ZNF732: variants seen among roughly 807,000 people sequenced by gnomAD.
ZNF732 encodes the protein zinc finger protein LOC654254.
In ZNF732, 12 loss-of-function variants were observed where a neutral mutation model predicts 11.5. The observed-to-expected ratio is 1.05, with a 90% confidence interval of 0.67 to 1.70. The LOEUF is 1.70. Ranked by LOEUF, ZNF732 falls within the 40% of genes most tolerant of loss-of-function variation. The probability of loss-of-function intolerance (pLI) is 0.00; values close to 1 mark genes in which losing one functional copy is unlikely to be tolerated. For missense variants in ZNF732, 702 were observed against 676.9 expected, an observed-to-expected ratio of 1.04 and a Z score of -0.41; for synonymous variants, 231 against 236.5, an observed-to-expected ratio of 0.98 and a Z score of 0.21.
intron 3 of ZNF732, among the ~76,000 whole-genome samples, chr4:276,738 C>G (rs1051971442): frequency 6.6e-6 from 1 of 151,652 alleles, no homozygotes. Context: ...TCAAGGTGAT[C>G]TATAGATTCA....
Position 272,448 on chromosome 4 carries a change from G to A in ZNF732, c.409C>T (p.Gln137Ter), listed in dbSNP as rs1553837949. ...ACATTACACTGAAATATTTTGCTCT[G>A]GATAGTTGACAAGCATTGATTAAAT... Reference protein sequence around the residue: ...NEFNQCLSTIQSKIFQCNVHV... With the variant: ...NEFNQCLSTI Residue 137 changes from glutamine (Q) to a stop codon, truncating the protein, a stop_gained, in exon 4 of 4, where the codon CAG (glutamine) becomes TAG (stop). Coordinates refer to ENST00000419098, the MANE Select transcript of ZNF732 (RefSeq NM_001137608.3). LOFTEE classifies it low-confidence loss of function (END_TRUNC). 1.2e-6 allele frequency: 2 copies of A among 1,600,220 alleles called. No homozygotes were observed. Among genetic ancestry groups the A allele is most frequent in the Admixed American group, 3.5e-5 (2 of 57,572 alleles).
chr4:270,900 CT>C lies in ZNF732; in HGVS notation c.*198del, dbSNP rs1237524442. On this transcript the variant is annotated 3_prime_UTR_variant, in exon 4 of 4. Transcript: ENST00000419098. The stretch of plus-strand genomic sequence containing the variant: ...TCTTATGTTGATTCAGGTATGCGGA[CT>C]GTTTGAAGGCTTTCCCACATTCTTT... 2.8e-6 allele frequency: 2 copies of C among 719,422 alleles called. No individual in the cohort carries two copies. The highest frequency in any genetic ancestry group is 5.0e-6 in the Non-Finnish European group (2 of 398,316). The allele number at this position is 719,422 out of a possible 1,614,324, so 44.6% of individuals were successfully genotyped here.
chr4:287,649 A>AT (rs199717918), intron 3 of ZNF732, among the ~76,000 whole-genome samples: 2,582 of 150,976 alleles, frequency 0.017, 31 homozygotes, highest in Middle Eastern at 0.062. Flanking sequence ...ATATATATAT[A>AT]TATTTTTTTT....
Position 305,431 on chromosome 4 carries a change from A to G in ZNF732, c.-121T>C. 7.0e-7 allele frequency: 1 copy of G among 1,437,788 alleles called. No homozygotes were observed. Among genetic ancestry groups the G allele is most frequent in the Non-Finnish European group, 9.5e-7 (1 of 1,047,874 alleles). 89.1% of individuals were successfully genotyped at this position (1,437,788 alleles called of 1,614,324 possible). On this transcript the variant is annotated 5_prime_UTR_variant, in exon 1 of 4. Coordinates refer to ENST00000419098, the MANE Select transcript of ZNF732 (RefSeq NM_001137608.3). ...CGACGCCTCCCTGAGGGGTGAAAGC[A>G]CGGCCGTGGAGACCCTAACCGAGCT...
intron 1 of ZNF732, among the ~76,000 whole-genome samples, chr4:304,052 T>C (rs1230182636): frequency 6.6e-6 from 1 of 152,102 alleles, no homozygotes; most frequent in African/African-American, 2.4e-5. Flanking sequence ...AGGTTCCTGC[T>C]ATAGATCCAG....
chr4:302,606 A>ATTT (rs1720140392), intron 1 of ZNF732, among the ~76,000 whole-genome samples: 1 of 152,220 alleles, frequency 6.6e-6, no homozygotes, highest in African/African-American at 2.4e-5. Context: ...GCCTACAGAA[A>ATTT]CTGTGGGATA....
intron 3 of ZNF732, among the ~76,000 whole-genome samples, chr4:274,762 T>C (rs1378678149): frequency 1.3e-5 from 2 of 151,644 alleles, no homozygotes; most frequent in Admixed American, 1.3e-4. Flanking sequence ...TCCTATTTCA[T>C]AAAATATACT....
Position 286,266 on chromosome 4 carries a change from A to G in ZNF732, c.226+9172T>C, listed in dbSNP as rs528898697. Among the ~76,000 whole-genome samples the G allele has an allele frequency of 3.3e-5, 5 of 152,376 alleles. No homozygotes were observed. In the Middle Eastern group the frequency reaches 0.014, roughly 415 times the overall value. On this transcript the variant is annotated intron_variant, in intron 3 of 3. Transcript: ENST00000419098. Reference sequence around the variant, plus strand: ...CTTTAAAAACTAATTATGAAGCTATAGTTATTGAAACAGTTTATAACTAGA... The same window carrying G: ...CTTTAAAAACTAATTATGAAGCTATGGTTATTGAAACAGTTTATAACTAGA...
intron 3 of ZNF732, among the ~76,000 whole-genome samples, chr4:279,568 A>G (rs1719576081): frequency 1.3e-5 from 2 of 152,170 alleles, no homozygotes. Context: ...AGAGAAAAAA[A>G]TGGCAGTTTA....
intron 3 of ZNF732, among the ~76,000 whole-genome samples, chr4:278,592 A>G (rs797042994): frequency 1.3e-5 from 2 of 152,212 alleles, no homozygotes; most frequent in South Asian, 2.1e-4. Flanking sequence ...ATCTATTCCT[A>G]TATGTTAGTT....
intron 3 of ZNF732, among the ~76,000 whole-genome samples, chr4:272,944 A>C (rs1719420228): frequency 6.6e-6 from 1 of 152,120 alleles, no homozygotes; most frequent in South Asian, 2.1e-4. Context: ...CTGTGCCATT[A>C]GAAGTAAACT....
intron 1 of ZNF732, among the ~76,000 whole-genome samples, chr4:303,226 T>C (rs928269036): frequency 4.6e-5 from 7 of 152,212 alleles, no homozygotes; most frequent in Non-Finnish European, 1.0e-4. Context: ...TTGTTTTAAC[T>C]AGACCCCCCC....
At chr4:273,740 C>T (rs1003628638) in intron 3 of ZNF732, among the ~76,000 whole-genome samples, 3 of 151,638 alleles carry the variant, frequency 2.0e-5, no homozygotes, top group Admixed American at 6.6e-5. Flanking sequence ...AACTCAAAAA[C>T]GACATCTTAG....
Position 299,418 on chromosome 4 carries a change from C to CATATGTGTATATAT in ZNF732, c.4-3264_4-3263insATATATACACATAT, listed in dbSNP as rs1560165134. Among the ~76,000 whole-genome samples, 126 of 83,486 alleles carry CATATGTGTATATAT rather than the reference C, an allele frequency of 1.5e-3. 9 individuals are homozygous for CATATGTGTATATAT. In the Middle Eastern group the frequency reaches 0.024, roughly 16 times the overall value. The allele number at this position is 83,486 out of a possible 152,430, so 54.8% of individuals were successfully genotyped here. A position where few individuals can be genotyped will look rare whatever the true frequency, so the allele number is the denominator to read the frequency against. On this transcript the variant is annotated intron_variant, in intron 1 of 3. Coordinates refer to ENST00000419098, the MANE Select transcript of ZNF732 (RefSeq NM_001137608.3). Reference sequence around the variant, plus strand: ...ACACATATGTGTATATATATATACACATATATACACATATGTGTATATATA... The same window carrying CATATGTGTATATAT: ...ACACATATGTGTATATATATATACACATATGTGTATATATATATATACACATATGTGTATATATA...
chr4:273,396 T>A (rs1268546793), intron 3 of ZNF732, among the ~76,000 whole-genome samples: 4 of 151,992 alleles, frequency 2.6e-5, no homozygotes, highest in Admixed American at 2.6e-4. Context: ...TTATAATGTA[T>A]ACAAAATATT....
chr4:278,840 T>C (rs1177566861), intron 3 of ZNF732, among the ~76,000 whole-genome samples: 1 of 152,022 alleles, frequency 6.6e-6, no homozygotes, highest in African/African-American at 2.4e-5. Context: ...CACAGGCTGG[T>C]GAGTGTAGTG....
intron 3 of ZNF732, among the ~76,000 whole-genome samples, chr4:279,885 T>A (rs190855490): frequency 1.0e-3 from 157 of 152,136 alleles, no homozygotes; most frequent in African/African-American, 3.7e-3. Flanking sequence ...GAAAGAAAAA[T>A]TTATAAACCA....
intron 1 of ZNF732, among the ~76,000 whole-genome samples, chr4:302,442 T>C (rs1408406851): frequency 6.6e-6 from 1 of 152,212 alleles, no homozygotes; most frequent in Non-Finnish European, 1.5e-5. Flanking sequence ...ATTTGTCATA[T>C]ACGGCTTATT....
At chr4:274,425 AAAAT>A (rs1719451993) in intron 3 of ZNF732, among the ~76,000 whole-genome samples, 1 of 151,738 alleles carries the variant, frequency 6.6e-6, no homozygotes, top group African/African-American at 2.4e-5. Context: ...TATCAATACA[AAAAT>A]AAAAAAGACT....
Sources: gnomAD v4.1 joint callset for allele counts (sites outside exome capture counted in the v4.1 genomes callset) on GRCh38, gnomAD v4.1.1 for gene constraint, MANE v1.5 for transcripts, NCBI Gene and HGNC (gene_info 2026-07-23, HGNC 2026-07-21) for gene names.